SLC24A2: variants seen among roughly 807,000 people sequenced by gnomAD.
SLC24A2 encodes the protein sodium/potassium/calcium exchanger 2.
SLC24A2 carries 36 observed loss-of-function variants against 62.0 expected under a neutral mutation model. The observed-to-expected ratio is 0.58, with a 90% CI of 0.44 to 0.77. The LOEUF (loss-of-function observed/expected upper bound fraction) is 0.77, where lower values mean the gene tolerates loss of function less well. SLC24A2 is among the 30% of genes least tolerant of loss of function. The pLI, the probability that SLC24A2 is intolerant of heterozygous loss-of-function variation, is 0.00. For synonymous variants in SLC24A2, 358 were observed against 294.0 expected (o/e 1.22, Z -2.23); for missense variants, 846 against 817.9 (o/e 1.03, Z -0.42).
the SLC24A2 span, among the ~76,000 whole-genome samples, chr9:19,809,647 C>A: frequency 2.0e-5 from 3 of 152,106 alleles, no homozygotes; most frequent in Admixed American, 2.0e-4. Context: ...CAGTAAGGAG[C>A]GGACAGGATG....
the SLC24A2 span, among the ~76,000 whole-genome samples, chr9:20,023,849 T>C: frequency 6.6e-6 from 1 of 152,178 alleles, no homozygotes; most frequent in Non-Finnish European, 1.5e-5. Context: ...ACTGATGGTT[T>C]TAAGGATTGT....
chr9:19,644,600 C>A (rs537556812), intron 2 of SLC24A2, among the ~76,000 whole-genome samples: 2 of 152,192 alleles, frequency 1.3e-5, no homozygotes, highest in South Asian at 2.1e-4. Context: ...ATCGTGCTGC[C>A]CTCTATCTCC....
chr9:20,190,328 C>T, the SLC24A2 span, among the ~76,000 whole-genome samples: 1 of 152,136 alleles, frequency 6.6e-6, no homozygotes, highest in South Asian at 2.1e-4. Flanking sequence ...AGGGCCCATC[C>T]TCCTACCTCT....
intron 2 of SLC24A2, among the ~76,000 whole-genome samples, chr9:19,642,680 T>A (rs1231990963): frequency 7.5e-6 from 1 of 133,292 alleles, no homozygotes; most frequent in Non-Finnish European, 1.6e-5. Context: ...TCTTTTTTTT[T>A]TTTTTTTTTT....
the SLC24A2 span, among the ~76,000 whole-genome samples, chr9:20,217,683 G>T: frequency 2.6e-5 from 4 of 152,154 alleles, no homozygotes; most frequent in African/African-American, 9.7e-5. Flanking sequence ...GACTCCATTT[G>T]TTGTAACAGC....
intron 2 of SLC24A2, among the ~76,000 whole-genome samples, chr9:19,722,430 C>A (rs1821053437): frequency 1.3e-5 from 2 of 151,838 alleles, no homozygotes; most frequent in Admixed American, 6.6e-5. Context: ...AATAAAAATC[C>A]TGTCTCCTTT....
the SLC24A2 span, among the ~76,000 whole-genome samples, chr9:20,287,133 A>G: frequency 6.6e-6 from 1 of 152,196 alleles, no homozygotes; most frequent in Non-Finnish European, 1.5e-5. Flanking sequence ...AAGACAACCA[A>G]ACCTGTATAA....
At chr9:20,083,594 T>G in the SLC24A2 span, among the ~76,000 whole-genome samples, 21 of 152,262 alleles carry the variant, frequency 1.4e-4, no homozygotes, top group Non-Finnish European at 2.5e-4. Context: ...AGTCTGCCAG[T>G]GTCTGGAAAT....
the SLC24A2 span, among the ~76,000 whole-genome samples, chr9:20,167,901 T>A: frequency 1.3e-5 from 2 of 151,430 alleles, no homozygotes; most frequent in Non-Finnish European, 2.9e-5. Context: ...TTTTTTTTTA[T>A]ATTCGACTGC....
In SLC24A2 at chr9:19,509,687, T is replaced by G. The variant is rs1832643446; in HGVS notation, c.*6466A>C. 1 of 152,224 alleles carries G rather than the reference T, an allele frequency of 6.6e-6. No homozygotes were observed. The highest frequency in any genetic ancestry group is 1.5e-5 in the Non-Finnish European group (1 of 68,044). The allele number at this position is 152,224 out of a possible 1,614,324, so 9.4% of individuals were successfully genotyped here. A position where few individuals can be genotyped will look rare whatever the true frequency, so the allele number is the denominator to read the frequency against. On this transcript the variant is annotated 3_prime_UTR_variant, in exon 11 of 11. Transcript: ENST00000341998. ...ATGTAATTTCATCCTTAAAATAATT[T>G]TATTCAGGATTTCAGACTTTTTTTA...
the SLC24A2 span, among the ~76,000 whole-genome samples, chr9:19,797,425 G>T: frequency 1.3e-5 from 2 of 152,288 alleles, no homozygotes; most frequent in South Asian, 2.1e-4. Flanking sequence ...AATATCTGGT[G>T]ATCTTTGGTG....
At chr9:19,781,382 G>T (rs1232995393) in intron 2 of SLC24A2, among the ~76,000 whole-genome samples, 1 of 125,242 alleles carries the variant, frequency 8.0e-6, no homozygotes, top group Non-Finnish European at 1.8e-5. Context: ...AGTAGGGGAA[G>T]GTGGAAGGGA....
At chr9:20,236,657 T>C in the SLC24A2 span, among the ~76,000 whole-genome samples, 1 of 152,302 alleles carries the variant, frequency 6.6e-6, no homozygotes, top group Admixed American at 6.5e-5. Context: ...AGTCATGTAC[T>C]CAGAAACCCC....
chr9:19,731,515 C>CTCTCT lies in SLC24A2; in HGVS notation c.930+54421_930+54422insAGAGA, dbSNP rs762029806. On this transcript the variant is annotated intron_variant, in intron 2 of 10. Transcript: ENST00000341998. ...CACTTGTTTCTCTCTCTCTCTCTCT[C>CTCTCT]CGTGTGTGTGTGTGTGTGTGTGTGT... 7.0e-5 allele frequency among the ~76,000 whole-genome samples: 9 copies of CTCTCT among 129,428 alleles called. No individual in the cohort carries two copies. The South Asian group carries it at 1.2e-3, about 18-fold the overall frequency. 84.9% of individuals were successfully genotyped at this position (129,428 alleles called of 152,430 possible).
intron 2 of SLC24A2, among the ~76,000 whole-genome samples, chr9:19,752,197 G>T (rs915513648): frequency 6.6e-6 from 1 of 152,116 alleles, no homozygotes; most frequent in African/African-American, 2.4e-5. Flanking sequence ...AAAGAATGAG[G>T]ACTTGATCCA....
chr9:20,032,229 T>A, the SLC24A2 span, among the ~76,000 whole-genome samples: 1 of 152,302 alleles, frequency 6.6e-6, no homozygotes, highest in Middle Eastern at 3.4e-3. Context: ...GGGAGATACT[T>A]CAATCTAAAT....
At chr9:20,260,849 CTTTTTTT>C in the SLC24A2 span, among the ~76,000 whole-genome samples, 7 of 90,278 alleles carry the variant, frequency 7.8e-5, no homozygotes, top group Non-Finnish European at 1.2e-4. Flanking sequence ...ATCATTCTTT[CTTTTTTT>C]TTTTTTTTTT....
intron 2 of SLC24A2, among the ~76,000 whole-genome samples, chr9:19,784,470 A>G (rs1823102062): frequency 6.6e-6 from 1 of 152,254 alleles, no homozygotes; most frequent in South Asian, 2.1e-4. Flanking sequence ...GCACCCAAGA[A>G]ATTTATAAGA....
intron 2 of SLC24A2, among the ~76,000 whole-genome samples, chr9:19,732,800 C>T (rs1821379055): frequency 1.3e-5 from 2 of 152,156 alleles, no homozygotes; most frequent in Admixed American, 6.6e-5. Context: ...GCAGGGCCAG[C>T]TGCCCTCCCA....
Sources: allele counts gnomAD v4.1 joint callset (sites outside exome capture counted in the v4.1 genomes callset), GRCh38; gene constraint gnomAD v4.1.1; transcripts MANE v1.5; gene names NCBI Gene and HGNC (gene_info 2026-07-23, HGNC 2026-07-21).